Variants in DAB1 observed in about 807,000 individuals in gnomAD.
DAB1 encodes disabled homolog 1.
In DAB1, 15 loss-of-function variants were observed where a neutral mutation model predicts 64.6. The ratio of observed to expected loss-of-function variants is 0.23; its 90% CI spans 0.16 to 0.36. The LOEUF (loss-of-function observed/expected upper bound fraction) is 0.36. Among genes scored for constraint, DAB1 ranks in the 10% least tolerant of loss-of-function variants. The pLI is 1.00. For missense variants in DAB1, 596 were observed against 706.7 expected (o/e 0.84, Z 1.78); for synonymous variants, 235 against 251.9 (o/e 0.93, Z 0.64).
At chr1:57,147,127 C>T (rs761568093) in intron 2 of DAB1, among the ~76,000 whole-genome samples, 25 of 151,536 alleles carry the variant, frequency 1.6e-4, no homozygotes, top group Non-Finnish European at 2.9e-4. Flanking sequence ...ACCTCCCAGG[C>T]TCAGGCAAGT....
intron 5 of DAB1, among the ~76,000 whole-genome samples, chr1:58,122,197 C>T (rs951081644): frequency 6.6e-6 from 1 of 152,204 alleles, no homozygotes; most frequent in Non-Finnish European, 1.5e-5. Context: ...ATCTTAGTAT[C>T]TTAAGCACTA....
intron 2 of DAB1, among the ~76,000 whole-genome samples, chr1:57,169,196 C>T (rs575084079): frequency 2.6e-5 from 4 of 152,094 alleles, no homozygotes; most frequent in Non-Finnish European, 5.9e-5. Context: ...ATCTTGTCAC[C>T]GACTGAGTTG....
chr1:57,564,940 CT>C (rs1354609742), intron 7 of DAB1, among the ~76,000 whole-genome samples: 2 of 152,074 alleles, frequency 1.3e-5, no homozygotes, highest in Non-Finnish European at 2.9e-5. Flanking sequence ...AAAGATACTC[CT>C]CGAGAAGAGC....
chr1:57,786,388 C>T (rs2101851773), intron 6 of DAB1, among the ~76,000 whole-genome samples: 1 of 152,192 alleles, frequency 6.6e-6, no homozygotes, highest in East Asian at 1.9e-4. Context: ...TTACTATGTG[C>T]CAGGCACTGT....
chr1:58,321,452 C>T (rs570977691), intron 4 of DAB1, among the ~76,000 whole-genome samples: 2 of 152,314 alleles, frequency 1.3e-5, no homozygotes, highest in African/African-American at 4.8e-5. Flanking sequence ...CGAAGCAGGG[C>T]GAGGCATCAC....
At chr1:58,274,680 AGAG>A (rs1557720183) in intron 4 of DAB1, among the ~76,000 whole-genome samples, 1 of 152,140 alleles carries the variant, frequency 6.6e-6, no homozygotes, top group Non-Finnish European at 1.5e-5. Context: ...TAGGACCCTC[AGAG>A]CCAGGTGTGG....
chr1:58,391,997 G>A (rs1644480004), intron 3 of DAB1, among the ~76,000 whole-genome samples: 1 of 152,194 alleles, frequency 6.6e-6, no homozygotes, highest in Non-Finnish European at 1.5e-5. Flanking sequence ...TGGGCACATA[G>A]GCATTCATGA....
At chr1:57,252,508 G>A (rs962520900) in intron 2 of DAB1, among the ~76,000 whole-genome samples, 2 of 152,018 alleles carry the variant, frequency 1.3e-5, no homozygotes, top group Non-Finnish European at 2.9e-5. Context: ...TTAAATGTAA[G>A]GTTTATTGTC....
chr1:57,948,652 A>C (rs1645219764), intron 5 of DAB1, among the ~76,000 whole-genome samples: 1 of 152,230 alleles, frequency 6.6e-6, no homozygotes, highest in African/African-American at 2.4e-5. Flanking sequence ...TCAGGTCCCC[A>C]GGCCCAGGCC....
At chr1:57,171,585 C>G (rs1661769296) in intron 2 of DAB1, among the ~76,000 whole-genome samples, 1 of 152,106 alleles carries the variant, frequency 6.6e-6, no homozygotes, top group Non-Finnish European at 1.5e-5. Flanking sequence ...TGAGGCAGTT[C>G]TTACTGTCAA....
At chr1:57,474,736 C>T (rs1053220825) in intron 7 of DAB1, among the ~76,000 whole-genome samples, 5 of 152,134 alleles carry the variant, frequency 3.3e-5, no homozygotes, top group Non-Finnish European at 7.3e-5. Flanking sequence ...TAGTTTTTAT[C>T]CTGAAACCTT....
chr1:57,822,462 T>C (rs1410085896), downstream of DAB1, among the ~76,000 whole-genome samples: 2 of 152,134 alleles, frequency 1.3e-5, no homozygotes, highest in African/African-American at 4.8e-5. Context: ...TCCAGATGTA[T>C]CTTTACTCAG....
intron 7 of DAB1, among the ~76,000 whole-genome samples, chr1:57,641,247 C>T (rs1646123610): frequency 6.6e-6 from 1 of 151,926 alleles, no homozygotes; most frequent in Admixed American, 6.6e-5. Context: ...TACAAATCTC[C>T]ACCTCACTCC....
At chr1:57,502,573 T>C (rs1216987326) in intron 7 of DAB1, among the ~76,000 whole-genome samples, 1 of 152,204 alleles carries the variant, frequency 6.6e-6, no homozygotes, top group African/African-American at 2.4e-5. Context: ...CTGTGTCTAT[T>C]TGGTTCTTTC....
chr1:57,314,997 AC>A (rs992564995), intron 1 of DAB1, among the ~76,000 whole-genome samples: 13 of 152,194 alleles, frequency 8.5e-5, no homozygotes, highest in African/African-American at 3.1e-4. Flanking sequence ...TTTAAATAAG[AC>A]CAGAAATTCT....
intron 3 of DAB1, among the ~76,000 whole-genome samples, chr1:58,488,960 G>T (rs1007842707): frequency 2.6e-5 from 4 of 152,186 alleles, no homozygotes; most frequent in African/African-American, 9.7e-5. Context: ...ATATATTCCT[G>T]CTGGAGCCAA....
At chr1:58,529,130 C>G (rs1232401874) in intron 1 of DAB1, among the ~76,000 whole-genome samples, 1 of 152,096 alleles carries the variant, frequency 6.6e-6, no homozygotes, top group African/African-American at 2.4e-5. Flanking sequence ...CTTTTATTTT[C>G]TCTTTAAGAA....
At chr1:58,543,103 T>A (rs1406651018) in intron 1 of DAB1, among the ~76,000 whole-genome samples, 1 of 152,108 alleles carries the variant, frequency 6.6e-6, no homozygotes, top group African/African-American at 2.4e-5. Context: ...CCTCCCTGAT[T>A]CCCATGAAAC....
At chr1:57,879,563 A>T (rs1644109952) in intron 1 of DAB1, among the ~76,000 whole-genome samples, 1 of 152,156 alleles carries the variant, frequency 6.6e-6, no homozygotes, top group Non-Finnish European at 1.5e-5. Context: ...CTAGCCATTA[A>T]TCTGTGGTTG....
Sources: gnomAD v4.1 joint callset for allele counts (sites outside exome capture counted in the v4.1 genomes callset) on GRCh38, gnomAD v4.1.1 for gene constraint, MANE v1.5 for transcripts, NCBI Gene and HGNC (gene_info 2026-07-23, HGNC 2026-07-21) for gene names.